Variants in LAMA2 observed in about 807,000 individuals in gnomAD.
LAMA2 encodes laminin subunit alpha-2.
Under a neutral mutation model 364.8 loss-of-function variants are expected in LAMA2, and 269 were observed. The observed-to-expected ratio is 0.74, with a 90% CI of 0.67 to 0.82. LAMA2 has a LOEUF of 0.82. Ranked by LOEUF, LAMA2 falls within the 40% of genes least tolerant of loss-of-function variation. The pLI, the probability that LAMA2 is intolerant of heterozygous loss-of-function variation, is 0.00. For synonymous variants in LAMA2, 1,379 were observed against 1,370.6 expected (o/e 1.01, Z -0.14); for missense variants, 3,807 against 3,873.2 (o/e 0.98, Z 0.45).
chr6:129,512,379 G>T lies in LAMA2; in HGVS notation c.8874G>T (p.Val2958=). 6.2e-7 allele frequency: 1 copy of T among 1,613,570 alleles called. No homozygotes were observed. The highest frequency in any genetic ancestry group is 1.1e-5 in the South Asian group (1 of 91,076). ...GFAKAVGGFK[V]GLDLLVEFEF... ...ATTTTACAGTTGGTGGATTCAAAGT[G>T]GGATTGGACCTTCTTGTAGAATTTG... is the stretch of plus-strand genomic sequence containing the variant. The change falls in exon 63 of 65, where the codon GTG becomes GTT. Residue 2958 remains valine, a synonymous_variant. Transcript: ENST00000421865.
intron 27 of LAMA2, among the ~76,000 whole-genome samples, chr6:129,318,761 A>G (rs1285162312): frequency 6.6e-6 from 1 of 152,254 alleles, no homozygotes; most frequent in Admixed American, 6.5e-5. Context: ...TGCAGATTAC[A>G]ATGCTAGCAA....
chr6:129,283,343 C>T (rs898207079), intron 18 of LAMA2, among the ~76,000 whole-genome samples: 1 of 152,020 alleles, frequency 6.6e-6, no homozygotes, highest in African/African-American at 2.4e-5. Context: ...GCTGAGGATA[C>T]CTGCCTGATC....
At chr6:129,222,539 G>A (rs1030243412) in intron 12 of LAMA2, among the ~76,000 whole-genome samples, 2 of 126,680 alleles carry the variant, frequency 1.6e-5, no homozygotes, top group African/African-American at 6.2e-5. Flanking sequence ...TCCCCTTCCT[G>A]TGTCCAAGTG....
chr6:128,961,361 ATATATATT>A (rs1296209415), intron 1 of LAMA2, among the ~76,000 whole-genome samples: 6 of 93,110 alleles, frequency 6.4e-5, no homozygotes, highest in Admixed American at 2.2e-4. Context: ...ATATATATAT[ATATATATT>A]AGTTTATTAA....
intron 1 of LAMA2, among the ~76,000 whole-genome samples, chr6:128,955,608 T>C (rs757415566): frequency 6.6e-5 from 10 of 152,086 alleles, no homozygotes; most frequent in Non-Finnish European, 1.2e-4. Flanking sequence ...CTTCTATTAC[T>C]TTTACCATTG....
At chr6:129,182,790 T>G (rs1381609945) in intron 10 of LAMA2, among the ~76,000 whole-genome samples, 1 of 151,792 alleles carries the variant, frequency 6.6e-6, no homozygotes, top group African/African-American at 2.4e-5. Flanking sequence ...TTCATTTGTA[T>G]CTAAGTATCA....
At chr6:128,883,801 T>TACACAC (rs71543146) in intron 1 of LAMA2, among the ~76,000 whole-genome samples, 50 of 136,032 alleles carry the variant, frequency 3.7e-4, no homozygotes, top group South Asian at 9.0e-4. Context: ...TATATATATA[T>TACACAC]ACACACACAC....
intron 4 of LAMA2, among the ~76,000 whole-genome samples, chr6:129,110,754 C>A (rs763423825): frequency 1.3e-5 from 2 of 152,002 alleles, no homozygotes; most frequent in Non-Finnish European, 2.9e-5. Context: ...TGATGGCAAA[C>A]CTTATAATCA....
At chr6:129,103,101 A>G (rs1247117230) in intron 4 of LAMA2, among the ~76,000 whole-genome samples, 1 of 152,218 alleles carries the variant, frequency 6.6e-6, no homozygotes, top group Non-Finnish European at 1.5e-5. Flanking sequence ...ACAACGTACC[A>G]ATCACCTGTC....
At chr6:129,418,403 A>G (rs1054901105) in intron 40 of LAMA2, among the ~76,000 whole-genome samples, 2 of 151,990 alleles carry the variant, frequency 1.3e-5, no homozygotes, top group African/African-American at 2.4e-5. Context: ...TCCCATCTCC[A>G]AATTCTGATG....
rs904308389 is a variant in LAMA2, at chr6:129,332,509, C to T, written c.4311+4097C>T. On this transcript the variant is annotated intron_variant, in intron 29 of 64. Coordinates refer to ENST00000421865, the MANE Select transcript of LAMA2 (RefSeq NM_000426.4). ...CTTTTATGCACTATTTTAATCTCTT[C>T]CACAAATTTTAATTACAATCAAAAT... Among the ~76,000 whole-genome samples the T allele has an allele frequency of 3.9e-5, 6 of 152,052 alleles. 1 individual carries two copies. Among genetic ancestry groups the T allele is most frequent in the Admixed American group, 3.9e-4 (6 of 15,258 alleles).
intron 12 of LAMA2, among the ~76,000 whole-genome samples, chr6:129,229,782 G>A (rs1056436241): frequency 6.6e-6 from 1 of 152,014 alleles, no homozygotes; most frequent in Non-Finnish European, 1.5e-5. Context: ...GAGGAGTTGA[G>A]GATTATTTCC....
chr6:129,459,100 C>T (rs927212550), intron 48 of LAMA2, among the ~76,000 whole-genome samples: 29 of 151,842 alleles, frequency 1.9e-4, no homozygotes, highest in Non-Finnish European at 7.4e-5. Context: ...ACAGTACTTG[C>T]ACAAATCTAG....
At chr6:129,104,897 A>T (rs191289543) in intron 4 of LAMA2, among the ~76,000 whole-genome samples, 5 of 152,190 alleles carry the variant, frequency 3.3e-5, no homozygotes, top group Admixed American at 2.6e-4. Context: ...GGGAGAAGAG[A>T]AGCTTATTCT....
chr6:129,203,757 A>G (rs1483639240), intron 12 of LAMA2, among the ~76,000 whole-genome samples: 1 of 152,142 alleles, frequency 6.6e-6, no homozygotes, highest in Admixed American at 6.5e-5. Flanking sequence ...TTTGGTCTTT[A>G]TGCGTTTCAC....
At chr6:129,066,709 T>C (rs895456642) in intron 3 of LAMA2, among the ~76,000 whole-genome samples, 2 of 152,206 alleles carry the variant, frequency 1.3e-5, no homozygotes, top group African/African-American at 4.8e-5. Context: ...AACAGTATGC[T>C]GCTAACTTAA....
chr6:129,477,122 T>TTATC (rs1302321946), intron 53 of LAMA2, among the ~76,000 whole-genome samples: 2 of 152,156 alleles, frequency 1.3e-5, no homozygotes, highest in Non-Finnish European at 2.9e-5. Flanking sequence ...ACATAAAGAA[T>TTATC]TATCTTTTTC....
chr6:128,957,125 G>A (rs959570498), intron 1 of LAMA2, among the ~76,000 whole-genome samples: 16 of 152,064 alleles, frequency 1.1e-4, no homozygotes, highest in African/African-American at 3.6e-4. Flanking sequence ...ATCAAATTAA[G>A]AATGTTTTTC....
chr6:129,464,472 C>T lies in LAMA2; in HGVS notation c.7155+20C>T. 6.3e-7 allele frequency: 1 copy of T among 1,599,102 alleles called. No homozygotes were observed. Among genetic ancestry groups the T allele is most frequent in the Non-Finnish European group, 8.6e-7 (1 of 1,166,860 alleles). On this transcript the variant is annotated intron_variant, in intron 50 of 64. Coordinates refer to ENST00000421865, the MANE Select transcript of LAMA2 (RefSeq NM_000426.4). ...GACCTGGTAAAGATCATATGCATAGCAGAGTTTCCGTGACTAAAATGCGTT... is the reference window on the plus strand; with the variant it reads ...GACCTGGTAAAGATCATATGCATAGTAGAGTTTCCGTGACTAAAATGCGTT...
Sources: allele counts gnomAD v4.1 joint callset (sites outside exome capture counted in the v4.1 genomes callset), GRCh38; gene constraint gnomAD v4.1.1; transcripts MANE v1.5; gene names NCBI Gene and HGNC (gene_info 2026-07-23, HGNC 2026-07-21).